GABRB3: variants seen among roughly 807,000 people sequenced by gnomAD.
GABRB3 encodes gamma-aminobutyric acid receptor subunit beta-3.
A neutral mutation model predicts 52.1 loss-of-function variants in GABRB3; 14 were observed. The observed-to-expected ratio is 0.27, with a 90% CI of 0.18 to 0.42. The LOEUF (loss-of-function observed/expected upper bound fraction) is 0.42, where lower values mean the gene tolerates loss of function less well. GABRB3 is among the 10% of genes least tolerant of loss of function. The probability of loss-of-function intolerance (pLI) is 1.00; values close to 1 mark genes in which losing one functional copy is unlikely to be tolerated. For missense variants in GABRB3, 307 were observed against 609.1 expected (o/e 0.50, Z 5.22); for synonymous variants, 260 against 232.3 (o/e 1.12, Z -1.08).
Position 26,586,704 on chromosome 15 carries a change from A to AAAAAAAAAAAAG in GABRB3, c.462-3291_462-3290insCTTTTTTTTTTT, listed in dbSNP as rs558336153. 9.8e-5 allele frequency among the ~76,000 whole-genome samples: 10 copies of AAAAAAAAAAAAG among 102,296 alleles called. No individual in the cohort carries two copies. In the East Asian group the frequency reaches 1.2e-3, roughly 12 times the overall value. The allele number at this position is 102,296 out of a possible 152,430, so 67.1% of individuals were successfully genotyped here. On this transcript the variant is annotated intron_variant, in intron 4 of 8. Coordinates refer to ENST00000311550, the MANE Select transcript of GABRB3 (RefSeq NM_000814.6). ...TCCATCTCAAAAAAAAAAAAAAAAAAAGAGAGAGAGAGAAAGCGAAGAAGG... is the reference window on the plus strand; with the variant it reads ...TCCATCTCAAAAAAAAAAAAAAAAAAAAAAAAAAAAAGAGAGAGAGAGAGAAAGCGAAGAAGG...
chr15:26,700,827 G>A (rs372609062), intron 3 of GABRB3, among the ~76,000 whole-genome samples: 3 of 152,192 alleles, frequency 2.0e-5, no homozygotes, highest in African/African-American at 4.8e-5. Context: ...AGGCCGAGGC[G>A]GGCAGATCAT....
At chr15:26,710,346 C>T (rs570419849) in intron 3 of GABRB3, among the ~76,000 whole-genome samples, 7 of 152,276 alleles carry the variant, frequency 4.6e-5, no homozygotes, top group African/African-American at 1.7e-4. Flanking sequence ...ACTGCAACCT[C>T]CACCTCCCAG....
chr15:26,595,340 T>A (rs961249216), intron 4 of GABRB3, among the ~76,000 whole-genome samples: 2 of 152,152 alleles, frequency 1.3e-5, no homozygotes, highest in African/African-American at 4.8e-5. Flanking sequence ...CTGCTCCCTC[T>A]GGTAGGAGAG....
At chr15:26,551,776 T>G (rs1287067266) in intron 8 of GABRB3, among the ~76,000 whole-genome samples, 1 of 152,152 alleles carries the variant, frequency 6.6e-6, no homozygotes, top group Non-Finnish European at 1.5e-5. Flanking sequence ...TCATCTGTCC[T>G]CCACTAGACG....
chr15:26,549,504 A>T (rs868512876), intron 8 of GABRB3, among the ~76,000 whole-genome samples: 7 of 152,184 alleles, frequency 4.6e-5, no homozygotes, highest in African/African-American at 1.7e-4. Flanking sequence ...TGAGGTGGTC[A>T]TCAGGGTAAT....
intron 3 of GABRB3, among the ~76,000 whole-genome samples, chr15:26,688,654 C>G (rs1364001744): frequency 6.6e-6 from 1 of 152,182 alleles, no homozygotes; most frequent in Non-Finnish European, 1.5e-5. Context: ...TTCAACCATA[C>G]TGGATAAAGG....
chr15:26,715,007 C>T (rs895557966), intron 3 of GABRB3, among the ~76,000 whole-genome samples: 1 of 152,150 alleles, frequency 6.6e-6, no homozygotes, highest in Non-Finnish European at 1.5e-5. Context: ...TACAAAGCCA[C>T]ATAGCAGTTA....
chr15:26,558,452 T>C (rs529384916), intron 8 of GABRB3, among the ~76,000 whole-genome samples: 45 of 152,236 alleles, frequency 3.0e-4, no homozygotes, highest in African/African-American at 7.9e-4. Context: ...GGGCACAGGA[T>C]AGAGCAAGAA....
At chr15:26,726,253 A>C (rs1889768287) in intron 3 of GABRB3, among the ~76,000 whole-genome samples, 2 of 152,194 alleles carry the variant, frequency 1.3e-5, no homozygotes, top group African/African-American at 4.8e-5. Flanking sequence ...GAACATTTTA[A>C]ATTTTGGATT....
chr15:26,668,537 G>GGT (rs1555375219), intron 3 of GABRB3, among the ~76,000 whole-genome samples: 1 of 151,712 alleles, frequency 6.6e-6, no homozygotes, highest in Non-Finnish European at 1.5e-5. Flanking sequence ...TCATTTATGT[G>GGT]TTTTTTTCTG....
chr15:26,766,471 G>A (rs866508979), intron 3 of GABRB3, among the ~76,000 whole-genome samples: 1 of 152,116 alleles, frequency 6.6e-6, no homozygotes, highest in Non-Finnish European at 1.5e-5. Context: ...GTTCCTGCAT[G>A]CATTTCATTA....
At chr15:26,618,598 T>C (rs993468047) in intron 4 of GABRB3, among the ~76,000 whole-genome samples, 4 of 152,288 alleles carry the variant, frequency 2.6e-5, no homozygotes, top group East Asian at 1.9e-4. Context: ...ATTTAGGACA[T>C]AGGCATGGGC....
intron 3 of GABRB3, among the ~76,000 whole-genome samples, chr15:26,694,971 C>T (rs1387284241): frequency 6.6e-6 from 1 of 151,828 alleles, no homozygotes; most frequent in African/African-American, 2.4e-5. Flanking sequence ...AAAGAATCAG[C>T]GAGCTCACAA....
intron 4 of GABRB3, chr15:26,615,677 A>C (rs1279555942): frequency 2.1e-5 from 19 of 890,686 alleles, no homozygotes; most frequent in Non-Finnish European, 2.5e-5. Context: ...AAAGGTCTTC[A>C]TCTAGCCTAG....
At chr15:26,757,023 C>A (rs1890681470) in intron 3 of GABRB3, among the ~76,000 whole-genome samples, 1 of 152,166 alleles carries the variant, frequency 6.6e-6, no homozygotes, top group Non-Finnish European at 1.5e-5. Flanking sequence ...CAGGGATAAA[C>A]ATACTAAGAG....
At chr15:26,651,968 C>T (rs1272273053) in intron 3 of GABRB3, among the ~76,000 whole-genome samples, 1 of 152,176 alleles carries the variant, frequency 6.6e-6, no homozygotes, top group Admixed American at 6.5e-5. Context: ...CCTTTCTAGG[C>T]CTTTCCCAGA....
intron 3 of GABRB3, among the ~76,000 whole-genome samples, chr15:26,722,866 C>T (rs542778974): frequency 1.3e-5 from 2 of 152,316 alleles, no homozygotes; most frequent in African/African-American, 4.8e-5. Context: ...CTGGGTGCCT[C>T]TGCTCAGCTG....
At chr15:26,574,100 G>A (rs1355114051) in intron 6 of GABRB3, among the ~76,000 whole-genome samples, 1 of 152,140 alleles carries the variant, frequency 6.6e-6, no homozygotes, top group African/African-American at 2.4e-5. Flanking sequence ...TTGTTTAACT[G>A]GGAAGAGGCT....
At chr15:26,606,882 T>C (rs1891857524) in intron 4 of GABRB3, among the ~76,000 whole-genome samples, 1 of 137,278 alleles carries the variant, frequency 7.3e-6, no homozygotes, top group African/African-American at 2.9e-5. Flanking sequence ...AGAAGGACTC[T>C]ACACTTCTAT....
Sources: gnomAD v4.1 joint callset for allele counts (sites outside exome capture counted in the v4.1 genomes callset) on GRCh38, gnomAD v4.1.1 for gene constraint, MANE v1.5 for transcripts, NCBI Gene and HGNC (gene_info 2026-07-23, HGNC 2026-07-21) for gene names.